ZNF774: variants seen among roughly 807,000 people sequenced by gnomAD.
ZNF774 encodes the protein zinc finger protein 774.
ZNF774 carries 14 observed loss-of-function variants against 11.1 expected under a neutral mutation model. The observed-to-expected ratio is 1.26, with a 90% CI of 0.83 to 1.97. The LOEUF (loss-of-function observed/expected upper bound fraction) is 1.97, where lower values mean the gene tolerates loss of function less well. Among genes scored for constraint, ZNF774 ranks in the 30% most tolerant of loss-of-function variants. The pLI, the probability that ZNF774 is intolerant of heterozygous loss-of-function variation, is 0.00. For missense variants in ZNF774, 599 were observed against 587.0 expected, an observed-to-expected ratio of 1.02 and a Z score of -0.21; for synonymous variants, 195 against 212.6, an observed-to-expected ratio of 0.92 and a Z score of 0.72.
rs768994006 is a variant in ZNF774, at chr15:90,361,132, C to T, written c.1301C>T (p.Pro434Leu). 6.2e-6 allele frequency: 10 copies of T among 1,610,956 alleles called. No homozygotes were observed. The highest frequency in any genetic ancestry group is 5.0e-5 in the Admixed American group (3 of 59,974). ...TTAGGAGACAGGCCCTATCGATGTC[C>T]TGAGTGTGGCAAGACCTTCAATCAG... is the stretch of plus-strand genomic sequence containing the variant. ...IHLGDRPYRCPECGKTFNQRS... is the reference protein window; with the variant it reads ...IHLGDRPYRCLECGKTFNQRS... Residue 434 changes from proline to leucine, a missense_variant, in exon 4 of 4, where the codon CCT becomes CTT. Physicochemically the swap from Pro to Leu is moderately conservative, Grantham distance 98. Transcript: ENST00000354377.
Position 90,360,308 on chromosome 15 carries a change from C to G in ZNF774, c.477C>G (p.Ser159Arg). 3.7e-6 allele frequency: 6 copies of G among 1,614,198 alleles called. No individual in the cohort carries two copies. The highest frequency in any genetic ancestry group is 2.2e-5 in the South Asian group (2 of 91,082). ...CTATGTGTGCAGAATGCGGGAAAAG[C>G]TTTAACCAGAGTTCCTATCTCATAA... The part of the protein sequence containing the change: ...EKPMCAECGK[S>R]FNQSSYLIRH... The change falls in exon 4 of 4, where the codon AGC (serine) becomes AGG (arginine). Residue 159 changes from serine (S) to arginine (R), a missense_variant. By Grantham distance (110) the Ser-to-Arg change is moderately radical. Transcript: ENST00000354377.
chr15:90,359,611 C>T (rs1047281866), intron 3 of ZNF774, among the ~76,000 whole-genome samples: 9 of 152,072 alleles, frequency 5.9e-5, no homozygotes, highest in Non-Finnish European at 1.2e-4. Context: ...CCCGCCACCA[C>T]GCCCAGCTAA....
rs1174892527 is a variant in ZNF774 at position 90,361,579 on chromosome 15, A to C, written c.*296A>C. On this transcript the variant is annotated 3_prime_UTR_variant, in exon 4 of 4. Transcript: ENST00000354377. The stretch of plus-strand genomic sequence containing the variant: ...GTAATCCCAGCACTTTTGGGAGGCC[A>C]AGGTGGGTGGATCACTTGAGGTCAG... 1.9e-6 allele frequency: 2 copies of C among 1,053,558 alleles called. No individual in the cohort carries two copies. Among genetic ancestry groups the C allele is most frequent in the East Asian group, 1.2e-4 (2 of 16,434 alleles). 65.3% of individuals were successfully genotyped at this position (1,053,558 alleles called of 1,614,324 possible). A position where few individuals can be genotyped will look rare whatever the true frequency, so the allele number is the denominator to read the frequency against.
chr15:90,357,955 G>C (rs1002602427), intron 2 of ZNF774, among the ~76,000 whole-genome samples: 2 of 151,282 alleles, frequency 1.3e-5, no homozygotes, highest in Non-Finnish European at 2.9e-5. Flanking sequence ...GAGTGCAGTG[G>C]TGTGACCTCG....
chr15:90,361,326 T>C lies in ZNF774; in HGVS notation c.*43T>C. 2.6e-6 allele frequency: 4 copies of C among 1,537,556 alleles called. No individual in the cohort carries two copies. The highest frequency in any genetic ancestry group is 3.5e-6 in the Non-Finnish European group (4 of 1,146,098). The stretch of plus-strand genomic sequence containing the variant: ...TCAGCTGCTCCCTTGCACATTTTCA[T>C]TGCTACTGTCTTCAAGCACCCCAAA... On this transcript the variant is annotated 3_prime_UTR_variant, in exon 4 of 4. Transcript: ENST00000354377.
intron 2 of ZNF774, 66 bp downstream of exon 2, chr15:90,354,830 T>C (rs1436635201): frequency 2.2e-6 from 3 of 1,343,096 alleles, no homozygotes; most frequent in African/African-American, 1.5e-5. Context: ...GGTCTCGCTC[T>C]GTCATCCAGG....
chr15:90,358,775 G>C, intron 2 of ZNF774, 76 bp from the exon 3 acceptor site: 1 of 1,171,794 alleles, frequency 8.5e-7, no homozygotes, highest in Non-Finnish European at 1.3e-6. Flanking sequence ...ACCTAGGCAG[G>C]GAGTAGGGCT....
At chr15:90,354,805 T>C (rs1313333889) in intron 2 of ZNF774, 41 bp downstream of exon 2, 1 of 1,499,658 alleles carries the variant, frequency 6.7e-7, no homozygotes, top group African/African-American at 1.4e-5. Context: ...ATTTATCTTG[T>C]TTTTTTTGAG....
rs532091455 is a variant in ZNF774 at position 90,352,967 on chromosome 15, A to C, written c.-20+556A>C. 4.2e-5 allele frequency among the ~76,000 whole-genome samples: 6 copies of C among 143,346 alleles called. No individual in the cohort carries two copies. The East Asian group carries it at 6.3e-4, about 15-fold the overall frequency. The allele number at this position is 143,346 out of a possible 152,430, so 94.0% of individuals were successfully genotyped here. ...GAATGTAGAAATAAAAATTATACTC[A>C]AAACTCTTTTTTTTTTTTAGACGGA... On this transcript the variant is annotated intron_variant, in intron 1 of 3. Coordinates refer to ENST00000354377, the MANE Select transcript of ZNF774 (RefSeq NM_001004309.3).
intron 1 of ZNF774, 140 bp from the exon 2 acceptor site, chr15:90,354,501 TG>T: frequency 1.7e-6 from 1 of 602,774 alleles, no homozygotes; most frequent in Non-Finnish European, 3.0e-6. Flanking sequence ...CACCCCTCTG[TG>T]GTTGACAGAA....
At position 90,358,945 on chromosome 15, in the gene ZNF774, G is replaced by T; in HGVS notation, c.199G>T (p.Glu67Ter). 3 of 1,613,318 alleles carry T rather than the reference G, an allele frequency of 1.9e-6. No homozygotes were observed. In the South Asian group the frequency reaches 3.3e-5, roughly 18 times the overall value. The stretch of plus-strand genomic sequence containing the variant: ...CTTTGAGGCGAGGAAGATCCCGAGG[G>T]AAAGCCACACAGGTGAGATGTGAGT... ...QNFEARKIPR[E>*]SHTDCEHQVA... Residue 67 changes from glutamate to a stop codon, truncating the protein, a stop_gained, in exon 3 of 4, where the codon GAA (glutamate) becomes TAA (stop). Coordinates refer to ENST00000354377, the MANE Select transcript of ZNF774 (RefSeq NM_001004309.3). LOFTEE classifies it low-confidence loss of function (END_TRUNC).
chr15:90,356,910 T>C (rs1964256644), intron 2 of ZNF774, among the ~76,000 whole-genome samples: 1 of 152,084 alleles, frequency 6.6e-6, no homozygotes, highest in Non-Finnish European at 1.5e-5. Flanking sequence ...GAGGCTGCAG[T>C]GAGCTATATA....
At chr15:90,357,943 T>C (rs903732751) in intron 2 of ZNF774, among the ~76,000 whole-genome samples, 3 of 150,542 alleles carry the variant, frequency 2.0e-5, no homozygotes, top group East Asian at 2.0e-4. Flanking sequence ...TCGTCCAGGC[T>C]GGAGTGCAGT....
In ZNF774 at chr15:90,362,302, G is replaced by T. The variant is rs1418735140; in HGVS notation, c.*1019G>T. ...TTCAGAAGCTCTTTTAAATGGCAGT[G>T]TATGGCAGTGTATCTACCAGAGGTT... On this transcript the variant is annotated 3_prime_UTR_variant, in exon 4 of 4. Transcript: ENST00000354377. The T allele has an allele frequency of 2.0e-6, 1 of 491,298 alleles. No homozygotes were observed. Among genetic ancestry groups the T allele is most frequent in the African/African-American group, 1.9e-5 (1 of 52,140 alleles). 30.4% of individuals were successfully genotyped at this position (491,298 alleles called of 1,614,324 possible).
At position 90,354,825 on chromosome 15, in the gene ZNF774, C is replaced by T. The variant is rs1265412771; in HGVS notation, c.104+61C>T. 5 of 1,377,902 alleles carry T rather than the reference C, an allele frequency of 3.6e-6. No individual in the cohort carries two copies. The African/African-American group carries it at 4.3e-5, about 12-fold the overall frequency. The allele number at this position is 1,377,902 out of a possible 1,614,324, so 85.4% of individuals were successfully genotyped here. On this transcript the variant is annotated intron_variant, in intron 2 of 3. Transcript: ENST00000354377. Reference sequence around the variant, plus strand: ...TCTTGTTTTTTTTGAGACGGGGTCTCGCTCTGTCATCCAGGCTGGAGTGCA... The same window carrying T: ...TCTTGTTTTTTTTGAGACGGGGTCTTGCTCTGTCATCCAGGCTGGAGTGCA...
At chr15:90,352,545 G>A (rs1964187870) in intron 1 of ZNF774, 134 bp downstream of exon 1, 1 of 152,418 alleles carries the variant, frequency 6.6e-6, no homozygotes, top group Non-Finnish European at 1.5e-5. Flanking sequence ...GGGTCTTGCT[G>A]GGCTGTGGGA....
chr15:90,359,986 A>T, intron 3 of ZNF774, 57 bp from the exon 4 acceptor site: 1 of 1,517,654 alleles, frequency 6.6e-7, no homozygotes, highest in South Asian at 1.3e-5. Context: ...CTGCTTTCTG[A>T]TATTCCTTCC....
chr15:90,358,054 C>G (rs904947101), intron 2 of ZNF774, among the ~76,000 whole-genome samples: 1 of 152,020 alleles, frequency 6.6e-6, no homozygotes, highest in African/African-American at 2.4e-5. Context: ...TGCCACCATG[C>G]CCGGCTAATT....
At chr15:90,354,077 A>T (rs58182460) in intron 1 of ZNF774, among the ~76,000 whole-genome samples, 1,765 of 86,706 alleles carry the variant, frequency 0.02, 22 homozygotes, top group African/African-American at 0.078. Flanking sequence ...CTTTTTTTTA[A>T]AAAAAAAATG....
Sources: allele counts gnomAD v4.1 joint callset (sites outside exome capture counted in the v4.1 genomes callset), GRCh38; gene constraint gnomAD v4.1.1; transcripts MANE v1.5; gene names NCBI Gene and HGNC (gene_info 2026-07-23, HGNC 2026-07-21).